The following LAMA3 variants were observed in gnomAD, a reference collection of about 807,000 sequenced individuals.
LAMA3 encodes the protein laminin subunit alpha-3.
A neutral mutation model predicts 402.0 loss-of-function variants in LAMA3; 281 were observed. The observed-to-expected ratio is 0.70, with a 90% CI of 0.63 to 0.77. The LOEUF (loss-of-function observed/expected upper bound fraction) is 0.77, where lower values mean the gene tolerates loss of function less well. LAMA3 is among the 30% of genes least tolerant of loss of function. The pLI, the probability that LAMA3 is intolerant of heterozygous loss-of-function variation, is 0.00. For missense variants in LAMA3, 3,840 were observed against 4,215.5 expected, an observed-to-expected ratio of 0.91 and a Z score of 2.47; for synonymous variants, 1,431 against 1,558.4, an observed-to-expected ratio of 0.92 and a Z score of 1.93.
In LAMA3 at chr18:23,907,923, G is replaced by A. The variant is rs1379819713; in HGVS notation, c.7003G>A (p.Ala2335Thr). ...NEDFKKALTD[A>T]DNSVNKLTNK... is the part of the protein sequence containing the mutation. ...AGACTTCAAAAAGGCTCTGACTGAT[G>A]CAGATAACTCGGGTATCAGGCGATC... The change falls in exon 54 of 75, where the codon GCA becomes ACA. Residue 2335 changes from alanine (A) to threonine (T), a missense_variant. Around this residue, in one of 3 missense-constraint regions of LAMA3, gnomAD observed 891 missense variants for 857.5 expected, o/e 1.04. Coordinates refer to ENST00000313654, the MANE Select transcript of LAMA3 (RefSeq NM_198129.4). The A allele has an allele frequency of 3.1e-6, 5 of 1,613,814 alleles. No homozygotes were observed. Among genetic ancestry groups the A allele is most frequent in the Non-Finnish European group, 4.2e-6 (5 of 1,179,980 alleles).
chr18:23,902,745 G>A (rs984847067), intron 48 of LAMA3, among the ~76,000 whole-genome samples: 15 of 152,108 alleles, frequency 9.9e-5, no homozygotes, highest in African/African-American at 3.6e-4. Flanking sequence ...CCATCTCATT[G>A]GGCAAGTTGA....
intron 1 of LAMA3, among the ~76,000 whole-genome samples, chr18:23,700,666 A>G (rs1013464946): frequency 6.6e-6 from 1 of 152,144 alleles, no homozygotes; most frequent in African/African-American, 2.4e-5. Context: ...TCTGGAACAC[A>G]GTTAGTGTTT....
chr18:23,691,180 T>C (rs2060581388), intron 1 of LAMA3, among the ~76,000 whole-genome samples: 1 of 152,104 alleles, frequency 6.6e-6, no homozygotes, highest in African/African-American at 2.4e-5. Flanking sequence ...ATTAGTGTTT[T>C]AGAAACTCTT....
chr18:23,816,286 C>G, intron 17 of LAMA3, 102 bp from the exon 18 acceptor site: 1 of 837,472 alleles, frequency 1.2e-6, no homozygotes, highest in South Asian at 1.4e-5. Context: ...AAGGCAGGCA[C>G]TGTGTCACTG....
intron 2 of LAMA3, among the ~76,000 whole-genome samples, chr18:23,734,262 T>C (rs2061437576): frequency 6.6e-6 from 1 of 152,152 alleles, no homozygotes; most frequent in African/African-American, 2.4e-5. Context: ...ATTCTGAATG[T>C]CCTGTGTCTT....
At chr18:23,847,299 A>T (rs2063838216) in intron 31 of LAMA3, among the ~76,000 whole-genome samples, 165 bp from the exon 32 acceptor site, 1 of 152,126 alleles carries the variant, frequency 6.6e-6, no homozygotes, top group Admixed American at 6.5e-5. Flanking sequence ...GTCTGCCATG[A>T]GCATTTGGTG....
intron 12 of LAMA3, among the ~76,000 whole-genome samples, chr18:23,808,436 C>A (rs1482869845): frequency 6.6e-6 from 1 of 152,008 alleles, no homozygotes; most frequent in Non-Finnish European, 1.5e-5. Flanking sequence ...GGATCCAGAA[C>A]CCACAGATAT....
chr18:23,861,544 G>C (rs2064221142), intron 34 of LAMA3, 102 bp from the exon 35 acceptor site: 1 of 1,344,402 alleles, frequency 7.4e-7, no homozygotes, highest in Admixed American at 1.8e-5. Flanking sequence ...TCTGAGGCAA[G>C]GAGGCTGCCC....
At chr18:23,922,075 C>T (rs1248288840) in intron 62 of LAMA3, among the ~76,000 whole-genome samples, 1 of 152,192 alleles carries the variant, frequency 6.6e-6, no homozygotes, top group Non-Finnish European at 1.5e-5. Flanking sequence ...TGTTACGTAA[C>T]TGTTTCTTGG....
intron 11 of LAMA3, among the ~76,000 whole-genome samples, chr18:23,778,231 A>G (rs981470917): frequency 2.6e-5 from 4 of 152,192 alleles, no homozygotes; most frequent in Admixed American, 2.0e-4. Flanking sequence ...TACATTTACC[A>G]AATCATTTGT....
At position 23,903,064 on chromosome 18, in the gene LAMA3, C is replaced by G; in HGVS notation, c.6257C>G (p.Thr2086Ser). 6.2e-7 allele frequency: 1 copy of G among 1,613,438 alleles called. No individual in the cohort carries two copies. Among genetic ancestry groups the G allele is most frequent in the South Asian group, 1.1e-5 (1 of 91,078 alleles). ...LQSDFTKYLTTADSSLLQTNI... is the reference protein window; with the variant it reads ...LQSDFTKYLTSADSSLLQTNI... ...AGTGATTTCACCAAGTATCTAACCA[C>G]TGCAGACTCATCTTTGTTGCAAACC... The change falls in exon 49 of 75, where the codon ACT becomes AGT. Residue 2086 changes from threonine to serine, a missense_variant. Thr to Ser is a moderately conservative substitution (Grantham distance 58). Transcript: ENST00000313654.
At position 23,950,176 on chromosome 18, in the gene LAMA3, T is replaced by G; in HGVS notation, c.9642+17T>G. On this transcript the variant is annotated intron_variant, in intron 72 of 74. Coordinates refer to ENST00000313654, the MANE Select transcript of LAMA3 (RefSeq NM_198129.4). ...GCAGGAAAGGTGTGTAGCAGTCTGA[T>G]GCCATGGGGAGGGTCTGTAGAAACC... The G allele has an allele frequency of 6.2e-7, 1 of 1,613,902 alleles. No homozygotes were observed.
At chr18:23,932,629 G>A (rs968879462) in intron 66 of LAMA3, 7 of 319,912 alleles carry the variant, frequency 2.2e-5, no homozygotes, top group Admixed American at 4.3e-5. Context: ...AGCTCTCCAC[G>A]GTTTTCAAGG....
intron 29 of LAMA3, among the ~76,000 whole-genome samples, chr18:23,844,296 A>G (rs1348120459): frequency 6.6e-6 from 1 of 152,246 alleles, no homozygotes; most frequent in African/African-American, 2.4e-5. Context: ...ATTATTCATA[A>G]TAGGGTACCA....
At chr18:23,833,758 T>C in intron 23 of LAMA3, 70 bp from the exon 24 acceptor site, 2 of 1,556,150 alleles carry the variant, frequency 1.3e-6, no homozygotes, top group Non-Finnish European at 1.8e-6. Context: ...ATTTTCACCA[T>C]TGCTGATGCA....
At chr18:23,716,580 T>G (rs759119614) in intron 2 of LAMA3, among the ~76,000 whole-genome samples, 1 of 152,200 alleles carries the variant, frequency 6.6e-6, no homozygotes, top group Admixed American at 6.5e-5. Context: ...ACTTTTTTTT[T>G]AAACCTACTT....
intron 39 of LAMA3, 28 bp downstream of exon 39, chr18:23,876,435 C>G (rs2064716124): frequency 7.1e-7 from 1 of 1,405,190 alleles, no homozygotes. Context: ...TTAATGCTAT[C>G]AGCAGACAAT....
intron 14 of LAMA3, among the ~76,000 whole-genome samples, chr18:23,813,353 G>T (rs1210143421): frequency 6.6e-6 from 1 of 151,932 alleles, no homozygotes; most frequent in Non-Finnish European, 1.5e-5. Context: ...AGGTTTGTAG[G>T]TTACTCAGAG....
intron 30 of LAMA3, among the ~76,000 whole-genome samples, chr18:23,845,461 G>T (rs1229699303): frequency 6.6e-6 from 1 of 152,164 alleles, no homozygotes; most frequent in Non-Finnish European, 1.5e-5. Flanking sequence ...ACCACACAGG[G>T]TACCCTCCAC....
Sources: allele counts gnomAD v4.1 joint callset (sites outside exome capture counted in the v4.1 genomes callset), GRCh38; gene constraint gnomAD v4.1.1; regional missense constraint gnomAD v4.1.1; transcripts MANE v1.5; gene names NCBI Gene and HGNC (gene_info 2026-07-23, HGNC 2026-07-21).